Variants in NBAS observed in about 807,000 individuals in gnomAD.
NBAS encodes NBAS subunit of NRZ tethering complex.
In NBAS, 219 loss-of-function variants were observed where a neutral mutation model predicts 302.5. The observed-to-expected ratio is 0.72, with a 90% CI of 0.65 to 0.81. NBAS has a LOEUF of 0.81. Among genes scored for constraint, NBAS ranks in the 30% least tolerant of loss-of-function variants. NBAS has a pLI of 0.00. For synonymous variants in NBAS, 1,118 were observed against 1,021.6 expected (o/e 1.09, Z -1.80); for missense variants, 2,932 against 2,841.6 (o/e 1.03, Z -0.72).
At chr2:15,320,546 A>G (rs1377068115) in intron 38 of NBAS, among the ~76,000 whole-genome samples, 1 of 152,252 alleles carries the variant, frequency 6.6e-6, no homozygotes, top group Non-Finnish European at 1.5e-5. Flanking sequence ...CAACTTCAGC[A>G]AAGTCTCAGG....
chr2:15,144,504 G>A, the NBAS span, among the ~76,000 whole-genome samples: 1 of 152,192 alleles, frequency 6.6e-6, no homozygotes, highest in African/African-American at 2.4e-5. Flanking sequence ...TTCTCTGCGT[G>A]AGGCACTTTT....
At chr2:15,359,045 T>G (rs531348485) in intron 32 of NBAS, among the ~76,000 whole-genome samples, 176 of 152,324 alleles carry the variant, frequency 1.2e-3, no homozygotes, top group Admixed American at 2.2e-3. Flanking sequence ...CACAGGAGTT[T>G]CCTGAGAACT....
chr2:15,561,278 A>C lies in NBAS; in HGVS notation c.27T>G (p.Ala9=), dbSNP rs1236488048. Residue 9 remains alanine, a synonymous_variant, in exon 1 of 52, where the codon GCT becomes GCG. Coordinates refer to ENST00000281513, the MANE Select transcript of NBAS (RefSeq NM_015909.4). MAAPESGP[A]LSPGTAEGEE... The stretch of plus-strand genomic sequence containing the variant: ...CACCCTCTGCAGTGCCTGGACTCAA[A>C]GCCGGCCCTGACTCGGGGGCCGCCA... The C allele has an allele frequency of 6.8e-6, 11 of 1,613,672 alleles. No individual in the cohort carries two copies. Among genetic ancestry groups the C allele is most frequent in the Non-Finnish European group, 9.3e-6 (11 of 1,180,036 alleles).
At chr2:15,124,485 G>C in the NBAS span, among the ~76,000 whole-genome samples, 1 of 152,338 alleles carries the variant, frequency 6.6e-6, no homozygotes, top group South Asian at 2.1e-4. Context: ...TTGCTAGAGA[G>C]ATTAGCATGA....
the NBAS span, among the ~76,000 whole-genome samples, chr2:15,078,611 A>C: frequency 6.6e-6 from 1 of 152,218 alleles, no homozygotes; most frequent in African/African-American, 2.4e-5. Context: ...TCTGGGGAAA[A>C]GGACCCTATC....
chr2:15,214,734 T>C (rs912205061), intron 48 of NBAS, among the ~76,000 whole-genome samples: 4 of 152,224 alleles, frequency 2.6e-5, no homozygotes, highest in Non-Finnish European at 4.4e-5. Context: ...TTTGTGGCTG[T>C]TCTCTGAGCT....
At chr2:15,105,076 C>T in the NBAS span, among the ~76,000 whole-genome samples, 9 of 152,104 alleles carry the variant, frequency 5.9e-5, no homozygotes, top group East Asian at 1.7e-3. Flanking sequence ...TACTATGCAG[C>T]CATAAAAAAG....
chr2:15,100,505 C>T, the NBAS span, among the ~76,000 whole-genome samples: 1 of 152,154 alleles, frequency 6.6e-6, no homozygotes, highest in Non-Finnish European at 1.5e-5. Context: ...TTTTACAAGA[C>T]TTCATTAATG....
the NBAS span, among the ~76,000 whole-genome samples, chr2:14,965,996 A>T: frequency 2.4e-3 from 367 of 152,294 alleles, no homozygotes; most frequent in African/African-American, 8.4e-3. Flanking sequence ...GAATATAGAA[A>T]TTTGAACACA....
the NBAS span, among the ~76,000 whole-genome samples, chr2:14,970,143 C>T: frequency 6.6e-6 from 1 of 152,286 alleles, no homozygotes; most frequent in African/African-American, 2.4e-5. Flanking sequence ...CTTCAGGCCT[C>T]TATTGAATCA....
At chr2:14,931,389 T>C in the NBAS span, among the ~76,000 whole-genome samples, 1 of 152,220 alleles carries the variant, frequency 6.6e-6, no homozygotes, top group East Asian at 1.9e-4. Context: ...AACGGCCCCC[T>C]TGTTTCTGGT....
intron 27 of NBAS, among the ~76,000 whole-genome samples, chr2:15,395,064 C>G (rs1311062195): frequency 1.3e-5 from 2 of 152,022 alleles, no homozygotes; most frequent in Admixed American, 1.3e-4. Flanking sequence ...CTGGGGCTAT[C>G]AGGTGGAACA....
chr2:15,553,789 C>A (rs1475173653), intron 4 of NBAS, among the ~76,000 whole-genome samples: 2 of 123,046 alleles, frequency 1.6e-5, no homozygotes, highest in African/African-American at 6.2e-5. Flanking sequence ...TCTCTCTCTC[C>A]CTCCCTCCCT....
chr2:14,941,501 C>A, the NBAS span, among the ~76,000 whole-genome samples: 1 of 152,204 alleles, frequency 6.6e-6, no homozygotes, highest in Non-Finnish European at 1.5e-5. Context: ...CCGTTCTGGC[C>A]TCCAGCCCTG....
intron 9 of NBAS, among the ~76,000 whole-genome samples, chr2:15,517,146 T>C (rs914445743): frequency 2.0e-5 from 3 of 152,038 alleles, no homozygotes; most frequent in Admixed American, 6.6e-5. Flanking sequence ...GTTTTTTAGG[T>C]TTTTTTACTT....
At chr2:14,788,768 C>A in the NBAS span, among the ~76,000 whole-genome samples, 6 of 152,176 alleles carry the variant, frequency 3.9e-5, no homozygotes, top group Non-Finnish European at 5.9e-5. Flanking sequence ...TTAGGCTGCT[C>A]GGGGGTCAGG....
chr2:14,780,562 C>A, the NBAS span, among the ~76,000 whole-genome samples: 2 of 152,234 alleles, frequency 1.3e-5, no homozygotes, highest in Non-Finnish European at 2.9e-5. Context: ...TCACTCTCCT[C>A]AATTATCCAA....
rs145976844 is a variant in NBAS, at chr2:15,196,137, G to A, written c.6433-5734C>T. On this transcript the variant is annotated intron_variant, in intron 48 of 51. Coordinates refer to ENST00000281513, the MANE Select transcript of NBAS (RefSeq NM_015909.4). ...TCACTCACACTCAAAAATTTGCCTC[G>A]GGCTCTCTCTGCCTTACATCCTTTG... Among the ~76,000 whole-genome samples, 34 of 152,146 alleles carry A rather than the reference G, an allele frequency of 2.2e-4. No individual in the cohort carries two copies. In the East Asian group the frequency reaches 4.1e-3, roughly 18 times the overall value.
chr2:14,942,191 G>C, the NBAS span, among the ~76,000 whole-genome samples: 1 of 152,146 alleles, frequency 6.6e-6, no homozygotes, highest in African/African-American at 2.4e-5. Context: ...TTTTGTATTG[G>C]TATTCAAGAG....
Sources: gnomAD v4.1 joint callset for allele counts (sites outside exome capture counted in the v4.1 genomes callset) on GRCh38, gnomAD v4.1.1 for gene constraint, MANE v1.5 for transcripts, NCBI Gene and HGNC (gene_info 2026-07-23, HGNC 2026-07-21) for gene names.